FILIP1: variants seen among roughly 807,000 people sequenced by gnomAD.
FILIP1 encodes filamin A interacting protein 1.
In FILIP1, 61 loss-of-function variants were observed where a neutral mutation model predicts 102.1. The observed-to-expected ratio is 0.60, with a 90% CI of 0.49 to 0.74. The LOEUF is 0.74. FILIP1 is among the 30% of genes least tolerant of loss of function. The pLI, the probability that FILIP1 is intolerant of heterozygous loss-of-function variation, is 0.00. For synonymous variants in FILIP1, 491 were observed against 526.9 expected (o/e 0.93, Z 0.93); for missense variants, 1,314 against 1,441.2 (o/e 0.91, Z 1.43).
rs201342802 is a variant in FILIP1, at chr6:75,422,211, TTTA to T, written c.-6-7236_-6-7234del. Among the ~76,000 whole-genome samples the T allele has an allele frequency of 3.4e-3, 525 of 152,180 alleles. 4 individuals are homozygous for T. The highest frequency in any genetic ancestry group is 0.012 in the African/African-American group (492 of 41,554). On this transcript the variant is annotated intron_variant, in intron 1 of 5. Transcript: ENST00000237172. ...TAAAATATTTTTATATTTATAATTC[TTTA>T]TTATTATAATTCTGATGTCACTGTC...
Position 75,312,391 on chromosome 6 carries a change from A to G in FILIP1, c.3435+6T>C. 1.2e-6 allele frequency: 2 copies of G among 1,610,972 alleles called. No homozygotes were observed. The highest frequency in any genetic ancestry group is 1.7e-6 in the Non-Finnish European group (2 of 1,178,348). On this transcript the variant is annotated splice_donor_region_variant and intron_variant, in intron 5 of 5. Coordinates refer to ENST00000237172, the MANE Select transcript of FILIP1 (RefSeq NM_015687.5). ...AGGCCTGCGCTTTGGAGCCTCTTCTACTCACCACTGACTGGGTTCCTCGAG... is the reference window on the plus strand; with the variant it reads ...AGGCCTGCGCTTTGGAGCCTCTTCTGCTCACCACTGACTGGGTTCCTCGAG...
chr6:75,433,728 A>G (rs1463043790), intron 1 of FILIP1, among the ~76,000 whole-genome samples: 1 of 152,112 alleles, frequency 6.6e-6, no homozygotes, highest in Non-Finnish European at 1.5e-5. Context: ...TTTTATTGCC[A>G]TTGCTTTTGG....
Position 75,318,695 on chromosome 6 carries a change from G to A in FILIP1, c.630-3493C>T, listed in dbSNP as rs543846741. On this transcript the variant is annotated intron_variant, in intron 4 of 5. Coordinates refer to ENST00000237172, the MANE Select transcript of FILIP1 (RefSeq NM_015687.5). ...ACAGAACAACAATTATTTCGTATAA[G>A]CTGCATCAGAGACAACTGAAAAAGA... Among the ~76,000 whole-genome samples, 5 of 152,190 alleles carry A rather than the reference G, an allele frequency of 3.3e-5. No individual in the cohort carries two copies. The East Asian group carries it at 9.6e-4, about 29-fold the overall frequency.
chr6:75,389,920 G>C (rs1776226306), intron 2 of FILIP1, among the ~76,000 whole-genome samples: 1 of 152,048 alleles, frequency 6.6e-6, no homozygotes, highest in Non-Finnish European at 1.5e-5. Flanking sequence ...AAACTCTTCT[G>C]AGAATGTTCC....
chr6:75,360,163 A>G (rs1775128828), intron 3 of FILIP1, among the ~76,000 whole-genome samples: 1 of 152,192 alleles, frequency 6.6e-6, no homozygotes, highest in Non-Finnish European at 1.5e-5. Flanking sequence ...GATTTTCTCT[A>G]TCTACCTTCC....
At chr6:75,359,802 T>C (rs1176832599) in intron 3 of FILIP1, among the ~76,000 whole-genome samples, 1 of 152,136 alleles carries the variant, frequency 6.6e-6, no homozygotes, top group African/African-American at 2.4e-5. Context: ...TCTGATCCCT[T>C]CTGGGTCTCA....
intron 2 of FILIP1, among the ~76,000 whole-genome samples, chr6:75,382,657 G>A (rs1775943783): frequency 6.6e-6 from 1 of 152,126 alleles, no homozygotes. Context: ...AAGTGAACTG[G>A]GGCACTATTC....
intron 1 of FILIP1, among the ~76,000 whole-genome samples, chr6:75,467,407 G>A (rs557709289): frequency 6.6e-6 from 1 of 152,212 alleles, no homozygotes; most frequent in African/African-American, 2.4e-5. Flanking sequence ...GAAAGAAAGG[G>A]TCCCTCCTGC....
At chr6:75,492,547 A>G (rs948983242) in intron 1 of FILIP1, among the ~76,000 whole-genome samples, 3 of 152,194 alleles carry the variant, frequency 2.0e-5, no homozygotes, top group Non-Finnish European at 2.9e-5. Flanking sequence ...TGTCATATTC[A>G]ACATGAAATT....
At chr6:75,437,062 G>A (rs2703701) in intron 1 of FILIP1, among the ~76,000 whole-genome samples, 3,627 of 152,106 alleles carry the variant, frequency 0.024, 165 homozygotes, top group African/African-American at 0.08. Flanking sequence ...CCATGCAGAC[G>A]GAATCAGATT....
intron 4 of FILIP1, among the ~76,000 whole-genome samples, chr6:75,345,456 G>C (rs909328740): frequency 6.6e-6 from 1 of 151,878 alleles, no homozygotes; most frequent in Middle Eastern, 3.4e-3. Flanking sequence ...AGATGTGCCC[G>C]TAGGAATATA....
At chr6:75,455,494 T>C (rs976269307) in intron 1 of FILIP1, among the ~76,000 whole-genome samples, 2 of 152,210 alleles carry the variant, frequency 1.3e-5, no homozygotes, top group African/African-American at 4.8e-5. Context: ...ATGAAATTGA[T>C]ACTGGATTTT....
intron 1 of FILIP1, among the ~76,000 whole-genome samples, chr6:75,430,232 G>A (rs1296663562): frequency 6.6e-6 from 1 of 152,064 alleles, no homozygotes; most frequent in Non-Finnish European, 1.5e-5. Flanking sequence ...GTTTCCTCAG[G>A]CCTCCCCAGA....
At chr6:75,386,136 TCAGA>T (rs1168546604) in intron 2 of FILIP1, 3 of 152,186 alleles carry the variant, frequency 2.0e-5, no homozygotes, top group Non-Finnish European at 4.4e-5. Context: ...AATTATTGTT[TCAGA>T]CAATGATATG....
chr6:75,324,664 C>T (rs1049336511), intron 4 of FILIP1, among the ~76,000 whole-genome samples: 3 of 152,126 alleles, frequency 2.0e-5, no homozygotes, highest in Non-Finnish European at 4.4e-5. Context: ...AATCTAGAGG[C>T]ATCAATTACC....
exon 7 of FILIP1, chr6:75,295,873 G>T (rs1772653491): frequency 7.3e-7 from 1 of 1,375,762 alleles, no homozygotes; most frequent in South Asian, 1.7e-5. Context: ...GGATTCAGAG[G>T]TCGTACACAC....
chr6:75,471,151 C>A (rs1265208156), intron 1 of FILIP1, among the ~76,000 whole-genome samples: 1 of 103,626 alleles, frequency 9.7e-6, no homozygotes, highest in African/African-American at 3.9e-5. Context: ...CAGAGCAAGA[C>A]CTTGTCTCAA....
intron 1 of FILIP1, among the ~76,000 whole-genome samples, chr6:75,463,384 A>G (rs771235423): frequency 1.5e-4 from 23 of 152,246 alleles, no homozygotes; most frequent in Non-Finnish European, 2.2e-4. Context: ...GTTTGTGTGT[A>G]GTGGCGGTAA....
rs1773058568 is a variant in FILIP1, at chr6:75,308,474, G to A, written c.*217C>T. The A allele has an allele frequency of 7.3e-7, 1 of 1,377,776 alleles. No homozygotes were observed. Among genetic ancestry groups the A allele is most frequent in the Admixed American group, 3.0e-5 (1 of 33,086 alleles). 85.3% of individuals were successfully genotyped at this position (1,377,776 alleles called of 1,614,324 possible). ...AAACTGGAACTAGAAACCACGCCCT[G>A]GCTTCTAGGCAGCAAGCAATAGTTT... On this transcript the variant is annotated 3_prime_UTR_variant, in exon 6 of 6. Coordinates refer to ENST00000237172, the MANE Select transcript of FILIP1 (RefSeq NM_015687.5).
Sources: allele counts gnomAD v4.1 joint callset (sites outside exome capture counted in the v4.1 genomes callset), GRCh38; gene constraint gnomAD v4.1.1; transcripts MANE v1.5; gene names NCBI Gene and HGNC (gene_info 2026-07-23, HGNC 2026-07-21).